SH2D4B: variants seen among roughly 807,000 people sequenced by gnomAD.
SH2D4B encodes SH2 domain-containing protein 4B.
SH2D4B carries 45 observed loss-of-function variants against 61.5 expected under a neutral mutation model. The ratio of observed to expected loss-of-function variants is 0.73; its 90% confidence interval spans 0.58 to 0.94. The LOEUF is 0.94. Among genes scored for constraint, SH2D4B ranks in the 40% least tolerant of loss-of-function variants. The probability of loss-of-function intolerance (pLI) is 0.00; values close to 1 mark genes in which losing one functional copy is unlikely to be tolerated. For synonymous variants in SH2D4B, 224 were observed against 220.4 expected (o/e 1.02, Z -0.14); for missense variants, 572 against 574.2 (o/e 1.00, Z 0.04).
chr10:80,543,478 C>T (rs1841614364), intron 1 of SH2D4B, among the ~76,000 whole-genome samples: 1 of 152,224 alleles, frequency 6.6e-6, no homozygotes, highest in African/African-American at 2.4e-5. Flanking sequence ...TGCAGCCCTC[C>T]ATGCCTAAGC....
At chr10:80,545,768 A>T (rs1841669331) in intron 1 of SH2D4B, among the ~76,000 whole-genome samples, 1 of 152,164 alleles carries the variant, frequency 6.6e-6, no homozygotes, top group African/African-American at 2.4e-5. Flanking sequence ...GACTGGGGAC[A>T]CAGATGCTAA....
chr10:80,596,955 CAG>C (rs1222815305), intron 4 of SH2D4B, among the ~76,000 whole-genome samples: 1 of 142,056 alleles, frequency 7.0e-6, no homozygotes, highest in Non-Finnish European at 1.5e-5. Context: ...CAACCTCTGA[CAG>C]AAAATATTTG....
Position 80,644,214 on chromosome 10 carries a change from G to T in SH2D4B, c.*129G>T, listed in dbSNP as rs1840357631. ...TCCAAAGGAAAAAGTAGATTAATAT[G>T]CCTCAAGGGATATGACATCTATGGC... is the stretch of plus-strand genomic sequence containing the variant. On this transcript the variant is annotated 3_prime_UTR_variant, in exon 8 of 8. Transcript: ENST00000646907. The T allele has an allele frequency of 2.8e-6, 2 of 706,724 alleles. No homozygotes were observed. Among genetic ancestry groups the T allele is most frequent in the Non-Finnish European group, 4.8e-6 (2 of 415,550 alleles). The allele number at this position is 706,724 out of a possible 1,614,324, so 43.8% of individuals were successfully genotyped here. A position where few individuals can be genotyped will look rare whatever the true frequency, so the allele number is the denominator to read the frequency against.
intron 6 of SH2D4B, among the ~76,000 whole-genome samples, chr10:80,612,389 C>T (rs7086576): frequency 6.6e-6 from 1 of 151,636 alleles, no homozygotes; most frequent in East Asian, 1.9e-4. Context: ...CTCGGCTCTC[C>T]CTGGGCTTGG....
intron 1 of SH2D4B, among the ~76,000 whole-genome samples, chr10:80,543,557 G>A (rs972050326): frequency 3.3e-5 from 5 of 152,164 alleles, no homozygotes; most frequent in African/African-American, 4.8e-5. Context: ...CCTGCTCCAC[G>A]GCGCCCAGTC....
chr10:80,630,908 C>A (rs531043407), intron 6 of SH2D4B, among the ~76,000 whole-genome samples: 1 of 152,308 alleles, frequency 6.6e-6, no homozygotes, highest in African/African-American at 2.4e-5. Context: ...GTGCCTGAGC[C>A]TGGGCTCTGC....
intron 6 of SH2D4B, among the ~76,000 whole-genome samples, chr10:80,632,100 A>T (rs1185984066): frequency 6.6e-6 from 1 of 151,684 alleles, no homozygotes. Context: ...GTTATTTTTA[A>T]TTTTTTTGTG....
At chr10:80,555,765 G>T (rs1302871193) in intron 1 of SH2D4B, among the ~76,000 whole-genome samples, 3 of 152,196 alleles carry the variant, frequency 2.0e-5, no homozygotes, top group African/African-American at 7.2e-5. Context: ...CAAGCAAACT[G>T]GTACTATTGG....
chr10:80,634,078 C>T (rs1199875634), intron 6 of SH2D4B, among the ~76,000 whole-genome samples: 3 of 152,162 alleles, frequency 2.0e-5, no homozygotes, highest in Admixed American at 6.5e-5. Context: ...AGGCTCACGG[C>T]GGGTGGCGCT....
At chr10:80,608,857 C>T (rs11186259) in intron 5 of SH2D4B, among the ~76,000 whole-genome samples, 58,845 of 151,944 alleles carry the variant, frequency 0.39, 11,760 homozygotes, top group East Asian at 0.65. Flanking sequence ...CTGTTCACTG[C>T]CCTGGTTCTG....
chr10:80,596,672 G>T lies in SH2D4B; in HGVS notation c.644-6907G>T, dbSNP rs566956547. Among the ~76,000 whole-genome samples the T allele has an allele frequency of 5.7e-4, 87 of 152,240 alleles. 1 individual carries two copies. The highest frequency in any genetic ancestry group is 2.8e-3 in the Admixed American group (43 of 15,290). On this transcript the variant is annotated intron_variant, in intron 4 of 7. Transcript: ENST00000646907. Reference sequence around the variant, plus strand: ...CTGGGCATTCCAAGGACTGCCGAGGGGTGGCTGAGGTTGCGGGAACACTAA... The same window carrying T: ...CTGGGCATTCCAAGGACTGCCGAGGTGTGGCTGAGGTTGCGGGAACACTAA...
At chr10:80,590,870 C>T (rs1040359338) in intron 4 of SH2D4B, among the ~76,000 whole-genome samples, 2 of 151,858 alleles carry the variant, frequency 1.3e-5, no homozygotes, top group African/African-American at 2.4e-5. Context: ...AGCAGTTACT[C>T]CTTCCCCCAC....
chr10:80,553,724 G>A (rs1476093342), intron 1 of SH2D4B, among the ~76,000 whole-genome samples: 1 of 152,232 alleles, frequency 6.6e-6, no homozygotes, highest in Non-Finnish European at 1.5e-5. Flanking sequence ...CCCCATGTCT[G>A]TGTTGCTCAT....
chr10:80,642,089 A>C (rs1039166900), intron 7 of SH2D4B, among the ~76,000 whole-genome samples: 1 of 152,180 alleles, frequency 6.6e-6, no homozygotes, highest in African/African-American at 2.4e-5. Context: ...TATTTTCCAC[A>C]TAAGTTGGGT....
chr10:80,591,931 A>G (rs1317586336), intron 4 of SH2D4B, among the ~76,000 whole-genome samples: 3 of 152,154 alleles, frequency 2.0e-5, no homozygotes, highest in Admixed American at 2.0e-4. Context: ...TGATCCAATC[A>G]TCTCTTAAAG....
chr10:80,608,673 G>C (rs547614781), intron 5 of SH2D4B, among the ~76,000 whole-genome samples: 2 of 152,080 alleles, frequency 1.3e-5, no homozygotes, highest in East Asian at 1.9e-4. Flanking sequence ...AACTCTTCCC[G>C]TGCTCCTCCT....
rs1360174637 is a variant in SH2D4B at position 80,576,248 on chromosome 10, C to G, written c.495+4670C>G. 3.3e-5 allele frequency among the ~76,000 whole-genome samples: 5 copies of G among 152,298 alleles called. No homozygotes were observed. The East Asian group carries it at 9.6e-4, about 29-fold the overall frequency. ...ATGAAGGATCACTAGGGCCATTTGG[C>G]CAGACTCTCATGTTCACTGAGGGTC... On this transcript the variant is annotated intron_variant, in intron 3 of 7. Transcript: ENST00000646907.
chr10:80,549,620 G>C (rs143768837), intron 1 of SH2D4B, among the ~76,000 whole-genome samples: 1 of 152,210 alleles, frequency 6.6e-6, no homozygotes, highest in African/African-American at 2.4e-5. Flanking sequence ...AGTCCACCCG[G>C]CGTGCACAGC....
intron 7 of SH2D4B, among the ~76,000 whole-genome samples, chr10:80,642,778 G>A (rs1464032525): frequency 6.6e-6 from 1 of 152,138 alleles, no homozygotes; most frequent in Non-Finnish European, 1.5e-5. Flanking sequence ...TCTCTAGGAT[G>A]GGTCCTGGAA....
Sources: allele counts gnomAD v4.1 joint callset (sites outside exome capture counted in the v4.1 genomes callset), GRCh38; gene constraint gnomAD v4.1.1; transcripts MANE v1.5; gene names NCBI Gene and HGNC (gene_info 2026-07-23, HGNC 2026-07-21).